DPP4: variants seen among roughly 807,000 people sequenced by gnomAD.
DPP4 encodes dipeptidyl peptidase 4.
In DPP4, 93 loss-of-function variants were observed where a neutral mutation model predicts 122.4. That is an observed-to-expected ratio of 0.76 (90% confidence interval 0.64 to 0.90). DPP4 has a LOEUF of 0.90. Ranked by LOEUF, DPP4 falls within the 40% of genes least tolerant of loss-of-function variation. The pLI is 0.00. For missense variants in DPP4, 914 were observed against 907.3 expected, an observed-to-expected ratio of 1.01 and a Z score of -0.09; for synonymous variants, 321 against 302.9, an observed-to-expected ratio of 1.06 and a Z score of -0.62.
intron 2 of DPP4, among the ~76,000 whole-genome samples, chr2:162,059,417 G>C (rs1576071518): frequency 1.3e-5 from 2 of 152,218 alleles, no homozygotes; most frequent in Non-Finnish European, 1.5e-5. Flanking sequence ...CACTTGAAAG[G>C]TGGAAAGTTC....
chr2:161,994,687 G>T (rs922419131), intron 25 of DPP4, among the ~76,000 whole-genome samples: 5 of 152,136 alleles, frequency 3.3e-5, no homozygotes, highest in Non-Finnish European at 1.5e-5. Context: ...AATCAAAATA[G>T]GGAGAGACTG....
intron 23 of DPP4, among the ~76,000 whole-genome samples, chr2:161,997,154 G>T (rs1037000240): frequency 7.2e-5 from 11 of 152,138 alleles, no homozygotes; most frequent in African/African-American, 2.7e-4. Context: ...GTGCAGGCTG[G>T]TTCCCACTTG....
chr2:162,001,690 A>T (rs2970932), intron 23 of DPP4, among the ~76,000 whole-genome samples: 1 of 152,004 alleles, frequency 6.6e-6, no homozygotes, highest in Non-Finnish European at 1.5e-5. Flanking sequence ...AGCCCACTCC[A>T]CAAGGTGTGG....
At chr2:161,993,494 G>C in intron 25 of DPP4, 110 bp from the exon 26 acceptor site, 6 of 726,802 alleles carry the variant, frequency 8.3e-6, no homozygotes, top group Non-Finnish European at 1.4e-5. Context: ...ATAAAACAGA[G>C]TGTTTTAATT....
At position 162,003,595 on chromosome 2, in the gene DPP4, T is replaced by C. The variant is rs372149344; in HGVS notation, c.2052+2150A>G. Among the ~76,000 whole-genome samples the C allele has an allele frequency of 5.3e-5, 8 of 152,184 alleles. 1 individual carries two copies. The highest frequency in any genetic ancestry group is 4.6e-4 in the Admixed American group (7 of 15,284). ...TCATACACCATGTTCAAGTGAGGGA[T>C]TGGGATCCTAGGCAGTTGCACCTCT... On this transcript the variant is annotated intron_variant, in intron 23 of 25. Coordinates refer to ENST00000360534, the MANE Select transcript of DPP4 (RefSeq NM_001935.4).
intron 15 of DPP4, 103 bp from the exon 16 acceptor site, chr2:162,018,953 C>A (rs952986542): frequency 6.9e-5 from 100 of 1,448,032 alleles, no homozygotes; most frequent in Non-Finnish European, 8.2e-5. Context: ...AGCATGCCAA[C>A]GCAATCTTTA....
intron 11 of DPP4, among the ~76,000 whole-genome samples, chr2:162,023,210 T>A (rs958525029): frequency 5.3e-5 from 8 of 152,166 alleles, no homozygotes; most frequent in African/African-American, 1.9e-4. Context: ...CCTAGTTCTT[T>A]GACTTCTCTG....
intron 16 of DPP4, chr2:162,017,405 T>C: frequency 2.1e-6 from 1 of 471,578 alleles, no homozygotes. Flanking sequence ...GAAATGAATC[T>C]GTGCCCTGCT....
At chr2:162,049,164 T>C (rs984815202) in intron 2 of DPP4, among the ~76,000 whole-genome samples, 1 of 152,244 alleles carries the variant, frequency 6.6e-6, no homozygotes. Flanking sequence ...CCAGTAGCCC[T>C]GTCCCTTGTT....
chr2:162,009,513 T>TTG (rs57878632), intron 20 of DPP4, among the ~76,000 whole-genome samples: 9,909 of 144,252 alleles, frequency 0.069, 405 homozygotes, highest in East Asian at 0.14. Flanking sequence ...TTCATAAAAA[T>TTG]TGTGTGTGTG....
chr2:162,035,028 T>C, intron 9 of DPP4, 136 bp downstream of exon 9: 1 of 770,160 alleles, frequency 1.3e-6, no homozygotes, highest in Non-Finnish European at 1.9e-6. Flanking sequence ...TGCCAGATGC[T>C]GTTGACTTCA....
At chr2:162,002,683 GAGA>G (rs143894083) in intron 23 of DPP4, among the ~76,000 whole-genome samples, 1 of 152,230 alleles carries the variant, frequency 6.6e-6, no homozygotes, top group Non-Finnish European at 1.5e-5. Context: ...AAGAGAGAGA[GAGA>G]GAGAGGAGAG....
chr2:162,029,714 T>C (rs1450269610), intron 10 of DPP4, among the ~76,000 whole-genome samples: 1 of 152,198 alleles, frequency 6.6e-6, no homozygotes, highest in African/African-American at 2.4e-5. Context: ...GGATGGGGTA[T>C]GTCATGAGCT....
intron 17 of DPP4, 99 bp downstream of exon 17, chr2:162,017,009 G>T: frequency 6.9e-7 from 1 of 1,454,328 alleles, no homozygotes; most frequent in Non-Finnish European, 9.4e-7. Context: ...TCATTGTCAA[G>T]ACACAAAGCC....
chr2:161,997,136 C>T (rs1218253210), intron 23 of DPP4, among the ~76,000 whole-genome samples: 3 of 152,240 alleles, frequency 2.0e-5, no homozygotes, highest in Non-Finnish European at 4.4e-5. Context: ...AAATGCCCTT[C>T]CTCTTCTGTG....
chr2:162,054,027 T>TG (rs1399363774), intron 2 of DPP4, among the ~76,000 whole-genome samples: 16 of 150,530 alleles, frequency 1.1e-4, no homozygotes, highest in Non-Finnish European at 1.9e-4. Context: ...AAAGCCTTAC[T>TG]GGGGGGGTGG....
At chr2:162,017,970 A>G (rs1048420067) in intron 16 of DPP4, among the ~76,000 whole-genome samples, 1 of 152,164 alleles carries the variant, frequency 6.6e-6, no homozygotes, top group Non-Finnish European at 1.5e-5. Flanking sequence ...TAAAGATTAA[A>G]CAAGATCATG....
At chr2:162,044,407 T>C (rs4637138) in intron 5 of DPP4, among the ~76,000 whole-genome samples, 11 of 151,366 alleles carry the variant, frequency 7.3e-5, no homozygotes, top group Non-Finnish European at 1.5e-4. Flanking sequence ...GGTGTGTGAG[T>C]GTTGGTGTGT....
intron 2 of DPP4, among the ~76,000 whole-genome samples, chr2:162,048,865 G>A (rs562388682): frequency 7.9e-4 from 121 of 152,266 alleles, no homozygotes; most frequent in Admixed American, 1.5e-3. Flanking sequence ...CTGTTTGTTC[G>A]TTTTAATTTT....
Sources: gnomAD v4.1 joint callset for allele counts (sites outside exome capture counted in the v4.1 genomes callset) on GRCh38, gnomAD v4.1.1 for gene constraint, MANE v1.5 for transcripts, NCBI Gene and HGNC (gene_info 2026-07-23, HGNC 2026-07-21) for gene names.